The following ZNF362 variants were observed in gnomAD, a reference collection of about 807,000 sequenced individuals.
ZNF362 encodes zinc finger protein 362.
Under a neutral mutation model 42.9 loss-of-function variants are expected in ZNF362, and 11 were observed. The ratio of observed to expected loss-of-function variants is 0.26; its 90% CI spans 0.16 to 0.42. The LOEUF (loss-of-function observed/expected upper bound fraction) is 0.42. Among genes scored for constraint, ZNF362 ranks in the 20% least tolerant of loss-of-function variants. ZNF362 has a pLI of 1.00. For missense variants in ZNF362, 362 were observed against 576.2 expected, an observed-to-expected ratio of 0.63 and a Z score of 3.81; for synonymous variants, 255 against 257.3, an observed-to-expected ratio of 0.99 and a Z score of 0.09.
the ZNF362 span, among the ~76,000 whole-genome samples, chr1:33,216,599 C>CAA: frequency 1.9e-4 from 14 of 71,872 alleles, no homozygotes; most frequent in African/African-American, 5.5e-4. Context: ...GACTCTGTCT[C>CAA]AAAAAAAAAA....
chr1:33,190,484 C>T, the ZNF362 span, among the ~76,000 whole-genome samples: 2 of 152,180 alleles, frequency 1.3e-5, no homozygotes, highest in Non-Finnish European at 2.9e-5. Context: ...CACTGAGTTG[C>T]TCAATGATGT....
chr1:33,261,467 AAGGCAGACAGCCTTG>A (rs1467697875), intron 1 of ZNF362: 14 of 152,102 alleles, frequency 9.2e-5, no homozygotes, highest in Non-Finnish European at 1.5e-4. Flanking sequence ...TGTGGGAAGA[AAGGCAGACAGCCTTG>A]AGGCAGACAG....
At chr1:33,214,965 A>G in the ZNF362 span, among the ~76,000 whole-genome samples, 1 of 152,226 alleles carries the variant, frequency 6.6e-6, no homozygotes, top group Non-Finnish European at 1.5e-5. Context: ...AGATAGAACT[A>G]CCATATGATC....
chr1:33,238,380 A>T, the ZNF362 span, among the ~76,000 whole-genome samples: 72 of 67,598 alleles, frequency 1.1e-3, 1 homozygote, highest in Admixed American at 3.4e-3. Flanking sequence ...ATAAAATAAA[A>T]TAAATAAAAT....
chr1:33,142,408 A>G, the ZNF362 span: 1 of 152,352 alleles, frequency 6.6e-6, no homozygotes, highest in Non-Finnish European at 1.5e-5. Flanking sequence ...AGCCAGAGCT[A>G]ATGGCCTTAT....
chr1:33,259,520 C>T (rs1645815718), intron 1 of ZNF362, among the ~76,000 whole-genome samples: 1 of 152,210 alleles, frequency 6.6e-6, no homozygotes, highest in Non-Finnish European at 1.5e-5. Flanking sequence ...CCTTCTTCTG[C>T]CACGGGCTAT....
At chr1:33,179,688 G>C in the ZNF362 span, among the ~76,000 whole-genome samples, 53 of 152,264 alleles carry the variant, frequency 3.5e-4, 1 homozygote, top group East Asian at 0.01. Flanking sequence ...GCCATAGATA[G>C]GAGAAATAAG....
At chr1:33,282,937 T>C (rs915368877) in intron 6 of ZNF362, among the ~76,000 whole-genome samples, 1 of 152,132 alleles carries the variant, frequency 6.6e-6, no homozygotes, top group South Asian at 2.1e-4. Flanking sequence ...TTACCAAGAT[T>C]GCAGTCCCTC....
At chr1:33,158,104 G>T in the ZNF362 span, 1 of 628,142 alleles carries the variant, frequency 1.6e-6, no homozygotes, top group Non-Finnish European at 2.8e-6. Context: ...TTGTGCAGGT[G>T]CCCAGGACAG....
At chr1:33,277,701 G>A (rs1645961974) in intron 4 of ZNF362, among the ~76,000 whole-genome samples, 2 of 152,298 alleles carry the variant, frequency 1.3e-5, no homozygotes, top group South Asian at 4.1e-4. Flanking sequence ...AGGAGCATGA[G>A]GGGAGGGAGG....
rs1646104330 is a variant in ZNF362, at chr1:33,294,662, C to T, written c.909-275C>T. Among the ~76,000 whole-genome samples the T allele has an allele frequency of 6.6e-6, 1 of 152,124 alleles. No individual in the cohort carries two copies. The highest frequency in any genetic ancestry group is 2.4e-5 in the African/African-American group (1 of 41,416). On this transcript the variant is annotated intron_variant, in intron 6 of 8. Coordinates refer to ENST00000539719, the MANE Select transcript of ZNF362 (RefSeq NM_152493.3). The surrounding 1 kb of genome is among the most constrained non-coding windows in gnomAD (Gnocchi z 4.2). ...AATCAGGCCCTCTCCGAGGCCTGCACTGGGTTGCTGCAAGGGCTCTGGTGG... is the reference window on the plus strand; with the variant it reads ...AATCAGGCCCTCTCCGAGGCCTGCATTGGGTTGCTGCAAGGGCTCTGGTGG...
chr1:33,297,690 CT>C (rs1331187387), intron 8 of ZNF362, among the ~76,000 whole-genome samples: 1 of 151,924 alleles, frequency 6.6e-6, no homozygotes, highest in Non-Finnish European at 1.5e-5. Context: ...GTTTTTGTAT[CT>C]TTAGTAGAGA....
In ZNF362 at chr1:33,281,873, C is replaced by T. The variant is rs1557795200; in HGVS notation, c.908+62C>T. On this transcript the variant is annotated intron_variant, in intron 6 of 8. Transcript: ENST00000539719. The surrounding 1 kb of genome is among the most constrained non-coding windows in gnomAD (Gnocchi z 4.8). ...TCAGCTCAGCACCCGTGGCCTGGCA[C>T]ATGGAGCCAGTGCAAGGAGGGGCAA... 1.9e-6 allele frequency: 3 copies of T among 1,571,348 alleles called. No individual in the cohort carries two copies. The highest frequency in any genetic ancestry group is 4.5e-5 in the East Asian group (2 of 44,528).
the ZNF362 span, among the ~76,000 whole-genome samples, chr1:33,248,797 A>AG: frequency 2.0e-5 from 3 of 152,180 alleles, no homozygotes; most frequent in African/African-American, 7.2e-5. Context: ...AGCAATGCAA[A>AG]GGGGAGCAAG....
chr1:33,261,989 G>T (rs1372232421), intron 1 of ZNF362, among the ~76,000 whole-genome samples: 1 of 152,196 alleles, frequency 6.6e-6, no homozygotes, highest in East Asian at 1.9e-4. Context: ...CACAGGGTGT[G>T]CCTGGCACTT....
chr1:33,147,624 C>T, the ZNF362 span: 5 of 1,614,088 alleles, frequency 3.1e-6, no homozygotes, highest in Non-Finnish European at 8.5e-7. The surrounding 1 kb of genome is among the most constrained non-coding windows in gnomAD (Gnocchi z 8.1). Context: ...GCGAGTCCTG[C>T]AGTGGCTGTG....
the ZNF362 span, among the ~76,000 whole-genome samples, chr1:33,154,097 T>G: frequency 2.0e-5 from 3 of 152,194 alleles, no homozygotes; most frequent in Non-Finnish European, 4.4e-5. Flanking sequence ...CCGAAGGGAA[T>G]GGCATGTGCA....
chr1:33,158,688 A>G, the ZNF362 span, among the ~76,000 whole-genome samples: 2 of 152,218 alleles, frequency 1.3e-5, no homozygotes, highest in Non-Finnish European at 2.9e-5. Flanking sequence ...AGCAATCAGT[A>G]TTGATCACCA....
At chr1:33,212,030 C>T in the ZNF362 span, among the ~76,000 whole-genome samples, 1 of 152,180 alleles carries the variant, frequency 6.6e-6, no homozygotes, top group Non-Finnish European at 1.5e-5. Flanking sequence ...GATTGGATCA[C>T]AGGGACTGTT....
Sources: allele counts gnomAD v4.1 joint callset (sites outside exome capture counted in the v4.1 genomes callset), GRCh38; gene constraint gnomAD v4.1.1; non-coding constraint Gnocchi (gnomAD v3.1); transcripts MANE v1.5; gene names NCBI Gene and HGNC (gene_info 2026-07-23, HGNC 2026-07-21).